The following CSMD3 variants were observed in gnomAD, a reference collection of about 807,000 sequenced individuals.
CSMD3 encodes CUB and sushi domain-containing protein 3.
A neutral mutation model predicts 435.2 loss-of-function variants in CSMD3; 177 were observed. The observed-to-expected ratio is 0.41, with a 90% CI of 0.36 to 0.46. CSMD3 has a LOEUF of 0.46. CSMD3 is among the 20% of genes least tolerant of loss of function. The pLI is 0.34. For missense variants in CSMD3, 4,265 were observed against 4,504.6 expected, an observed-to-expected ratio of 0.95 and a Z score of 1.52; for synonymous variants, 1,656 against 1,520.5, an observed-to-expected ratio of 1.09 and a Z score of -2.07.
At chr8:113,404,286 G>A (rs1476557017) in intron 1 of CSMD3, among the ~76,000 whole-genome samples, 1 of 151,352 alleles carries the variant, frequency 6.6e-6, no homozygotes, top group African/African-American at 2.4e-5. Context: ...ACTATGGCTT[G>A]ATGTATAACA....
At chr8:113,352,826 G>A (rs1220163361) in intron 1 of CSMD3, among the ~76,000 whole-genome samples, 1 of 152,136 alleles carries the variant, frequency 6.6e-6, no homozygotes, top group Non-Finnish European at 1.5e-5. Flanking sequence ...ACATCACATA[G>A]GTCTTTGTAC....
intron 10 of CSMD3, among the ~76,000 whole-genome samples, chr8:112,893,858 C>T (rs2081872519): frequency 6.6e-6 from 1 of 151,370 alleles, no homozygotes; most frequent in South Asian, 2.1e-4. Flanking sequence ...AAGTAATATA[C>T]AGAAAGAACA....
chr8:112,794,372 C>A (rs1449834126), intron 13 of CSMD3, among the ~76,000 whole-genome samples: 1 of 144,906 alleles, frequency 6.9e-6, no homozygotes, highest in Non-Finnish European at 1.5e-5. Context: ...CGTCTCACTG[C>A]ATCCTCCACC....
intron 4 of CSMD3, among the ~76,000 whole-genome samples, chr8:113,153,130 A>AAGGAAG (rs2091858713): frequency 1.2e-5 from 1 of 82,736 alleles, no homozygotes. Context: ...AGAAAGAGAA[A>AAGGAAG]GAAGGAAGGA....
At chr8:113,079,576 A>G (rs1384702238) in intron 5 of CSMD3, among the ~76,000 whole-genome samples, 1 of 152,134 alleles carries the variant, frequency 6.6e-6, no homozygotes, top group Non-Finnish European at 1.5e-5. Flanking sequence ...GAGAAAAATG[A>G]AGACTTTTTG....
chr8:112,355,159 T>A (rs1826474271), intron 38 of CSMD3, among the ~76,000 whole-genome samples: 1 of 152,168 alleles, frequency 6.6e-6, no homozygotes, highest in South Asian at 2.1e-4. Flanking sequence ...TGCAGAAGAA[T>A]GAAAATAGAC....
At chr8:112,946,695 T>A (rs2083620016) in intron 9 of CSMD3, among the ~76,000 whole-genome samples, 1 of 151,744 alleles carries the variant, frequency 6.6e-6, no homozygotes, top group Non-Finnish European at 1.5e-5. Context: ...CATGTCAAAG[T>A]CTGACTAGTC....
chr8:112,867,065 G>A (rs1420116781), intron 10 of CSMD3, among the ~76,000 whole-genome samples: 4 of 152,018 alleles, frequency 2.6e-5, no homozygotes, highest in Admixed American at 2.0e-4. Flanking sequence ...TGAAATCACT[G>A]GAAATGGATA....
chr8:112,262,016 T>G (rs79571363), intron 61 of CSMD3, among the ~76,000 whole-genome samples: 10,102 of 152,194 alleles, frequency 0.066, 461 homozygotes, highest in Non-Finnish European at 0.1. Flanking sequence ...ATTTTCATAT[T>G]TTAACATAGC....
chr8:112,551,125 C>T (rs1264671468), intron 26 of CSMD3, among the ~76,000 whole-genome samples: 9 of 151,890 alleles, frequency 5.9e-5, no homozygotes, highest in East Asian at 1.9e-4. Flanking sequence ...CATTCTTTCC[C>T]GTGTTCATGG....
intron 5 of CSMD3, among the ~76,000 whole-genome samples, chr8:113,095,862 TA>T (rs989871756): frequency 2.5e-4 from 38 of 152,234 alleles, no homozygotes; most frequent in African/African-American, 8.9e-4. Flanking sequence ...GATTTTTGTA[TA>T]ATCAGGGGTG....
At chr8:112,431,493 A>G (rs143550156) in intron 32 of CSMD3, among the ~76,000 whole-genome samples, 1 of 152,234 alleles carries the variant, frequency 6.6e-6, no homozygotes, top group African/African-American at 2.4e-5. Flanking sequence ...ATTGCTAGTA[A>G]TGACTTAGAG....
intron 18 of CSMD3, among the ~76,000 whole-genome samples, chr8:112,652,819 T>TC (rs1283375318): frequency 2.0e-5 from 3 of 149,936 alleles, no homozygotes; most frequent in Non-Finnish European, 3.0e-5. Flanking sequence ...CTTTAGAAGA[T>TC]TTTTTTTTTA....
intron 27 of CSMD3, among the ~76,000 whole-genome samples, chr8:112,542,217 A>AC (rs934666010): frequency 1.3e-5 from 2 of 151,622 alleles, no homozygotes; most frequent in Non-Finnish European, 2.9e-5. Context: ...GAAAAAAAAA[A>AC]AAACTGAGAA....
intron 21 of CSMD3, among the ~76,000 whole-genome samples, chr8:112,638,349 A>G (rs1379506172): frequency 2.0e-5 from 3 of 151,078 alleles, no homozygotes; most frequent in African/African-American, 7.3e-5. Context: ...CTGAAACTTT[A>G]AAATATATAT....
intron 5 of CSMD3, among the ~76,000 whole-genome samples, chr8:113,086,276 G>A (rs2089775605): frequency 6.7e-6 from 1 of 149,470 alleles, no homozygotes; most frequent in African/African-American, 2.4e-5. Context: ...CAACCAACCA[G>A]TACATCAAAA....
At chr8:112,227,797 CT>C (rs1214866208) in intron 70 of CSMD3, among the ~76,000 whole-genome samples, 4 of 152,146 alleles carry the variant, frequency 2.6e-5, no homozygotes, top group Non-Finnish European at 5.9e-5. Context: ...AATCCCAGCA[CT>C]TTGGGACGCC....
intron 12 of CSMD3, among the ~76,000 whole-genome samples, chr8:112,825,472 C>G (rs781442981): frequency 6.6e-6 from 1 of 152,098 alleles, no homozygotes; most frequent in Non-Finnish European, 1.5e-5. Context: ...TAGTTTCTAT[C>G]GTTGTGGCTG....
At chr8:112,438,974 C>T (rs915068308) in intron 32 of CSMD3, among the ~76,000 whole-genome samples, 1 of 152,092 alleles carries the variant, frequency 6.6e-6, no homozygotes, top group Non-Finnish European at 1.5e-5. Context: ...TTGTCTTGTA[C>T]TCTTGCTAAT....
Sources: gnomAD v4.1 joint callset for allele counts (sites outside exome capture counted in the v4.1 genomes callset) on GRCh38, gnomAD v4.1.1 for gene constraint, MANE v1.5 for transcripts, NCBI Gene and HGNC (gene_info 2026-07-23, HGNC 2026-07-21) for gene names.